CD96: variants seen among roughly 807,000 people sequenced by gnomAD.
CD96 encodes the protein T-cell surface protein tactile.
A neutral mutation model predicts 71.3 loss-of-function variants in CD96; 70 were observed. That is an observed-to-expected ratio of 0.98 (90% CI 0.81 to 1.20). The LOEUF (loss-of-function observed/expected upper bound fraction) is 1.20. CD96 is among the 50% of genes most tolerant of loss of function. The pLI is 0.00. For synonymous variants in CD96, 248 were observed against 233.0 expected (o/e 1.06, Z -0.59); for missense variants, 742 against 677.5 (o/e 1.10, Z -1.06).
chr3:111,574,228 C>T (rs79788833), intron 3 of CD96, among the ~76,000 whole-genome samples: 4,186 of 152,212 alleles, frequency 0.028, 188 homozygotes, highest in African/African-American at 0.096. Context: ...GAAATATCAT[C>T]ACTAAATCAA....
downstream of CD96, among the ~76,000 whole-genome samples, chr3:111,653,227 TG>T (rs34724254): frequency 2.0e-5 from 3 of 152,206 alleles, no homozygotes; most frequent in African/African-American, 7.2e-5. Flanking sequence ...GAAAGGCTCA[TG>T]GAGCAGTACC....
intron 4 of CD96, among the ~76,000 whole-genome samples, chr3:111,582,652 G>T (rs1257869074): frequency 2.0e-5 from 3 of 152,190 alleles, no homozygotes; most frequent in Non-Finnish European, 2.9e-5. Flanking sequence ...GTTCCACATG[G>T]CTGGGGAGGC....
At chr3:111,587,161 G>T (rs1161957428) in intron 5 of CD96, among the ~76,000 whole-genome samples, 1 of 152,198 alleles carries the variant, frequency 6.6e-6, no homozygotes, top group Non-Finnish European at 1.5e-5. Context: ...GATCTCCTTT[G>T]ACTCCAAGAC....
chr3:111,557,481 G>A (rs1420968188), intron 2 of CD96, among the ~76,000 whole-genome samples: 2 of 115,386 alleles, frequency 1.7e-5, no homozygotes, highest in Non-Finnish European at 3.5e-5. Flanking sequence ...CCCATTGCTT[G>A]TTTTTCTCAG....
Position 111,579,251 on chromosome 3 carries a change from T to A in CD96, c.751+17T>A. On this transcript the variant is annotated intron_variant, in intron 4 of 13. Transcript: ENST00000352690. Reference sequence around the variant, plus strand: ...AGGTTTTTGGTAAGGGCTTTTGTTCTACAGACTCACTGGCATCCTCCTGTC... The same window carrying A: ...AGGTTTTTGGTAAGGGCTTTTGTTCAACAGACTCACTGGCATCCTCCTGTC... 7.2e-7 allele frequency: 1 copy of A among 1,386,604 alleles called. No homozygotes were observed. Among genetic ancestry groups the A allele is most frequent in the Non-Finnish European group, 1.0e-6 (1 of 971,940 alleles). The allele number at this position is 1,386,604 out of a possible 1,614,324, so 85.9% of individuals were successfully genotyped here.
chr3:111,611,888 T>C (rs1352123363), intron 8 of CD96, among the ~76,000 whole-genome samples: 1 of 152,206 alleles, frequency 6.6e-6, no homozygotes, highest in Middle Eastern at 3.2e-3. Context: ...CTTCAACTCA[T>C]TTAGCCCCAA....
chr3:111,627,360 G>T (rs973561491), intron 10 of CD96, among the ~76,000 whole-genome samples: 1 of 152,194 alleles, frequency 6.6e-6, no homozygotes, highest in Admixed American at 6.5e-5. Flanking sequence ...CCACAACACA[G>T]TTCCCCAGCA....
rs550369054 is a variant in CD96 at position 111,599,721 on chromosome 3, C to CAA, written c.899-993_899-992dup. Among the ~76,000 whole-genome samples the CAA allele has an allele frequency of 3.5e-5, 5 of 141,348 alleles. No individual in the cohort carries two copies. In the South Asian group the frequency reaches 9.0e-4, roughly 25 times the overall value. 92.7% of individuals were successfully genotyped at this position (141,348 alleles called of 152,430 possible). A position where few individuals can be genotyped will look rare whatever the true frequency, so the allele number is the denominator to read the frequency against. ...GGGCAACAAGAGTGAAACCCTATCT[C>CAA]AAAAAAAAAAAAAGTTATTATAAAT... On this transcript the variant is annotated intron_variant, in intron 6 of 13. Transcript: ENST00000352690.
intron 2 of CD96, among the ~76,000 whole-genome samples, chr3:111,561,990 C>A (rs1935456261): frequency 6.6e-6 from 1 of 152,046 alleles, no homozygotes; most frequent in East Asian, 1.9e-4. Flanking sequence ...GTCCGTCACC[C>A]CTTTCTTTGA....
chr3:111,633,444 T>C (rs760771348), intron 10 of CD96, among the ~76,000 whole-genome samples: 11 of 152,048 alleles, frequency 7.2e-5, no homozygotes, highest in Admixed American at 3.3e-4. Context: ...CACATGCTGT[T>C]GGAAAAAAAA....
chr3:111,640,967 G>A (rs1168387394), intron 12 of CD96, among the ~76,000 whole-genome samples: 1 of 152,090 alleles, frequency 6.6e-6, no homozygotes, highest in Admixed American at 6.5e-5. Context: ...CACCACTACA[G>A]GAACTGCTAA....
At chr3:111,587,908 C>T (rs1936790860) in intron 5 of CD96, among the ~76,000 whole-genome samples, 1 of 152,168 alleles carries the variant, frequency 6.6e-6, no homozygotes, top group South Asian at 2.1e-4. Context: ...AGCATGGAGA[C>T]CTGGGGCATC....
chr3:111,645,441 T>C (rs1268634164), intron 12 of CD96, among the ~76,000 whole-genome samples: 1 of 152,100 alleles, frequency 6.6e-6, no homozygotes, highest in Non-Finnish European at 1.5e-5. Flanking sequence ...GGGTGTTGGC[T>C]GCACCATAAT....
chr3:111,597,204 A>G (rs1391131913), intron 5 of CD96, among the ~76,000 whole-genome samples: 1 of 152,234 alleles, frequency 6.6e-6, no homozygotes, highest in African/African-American at 2.4e-5. Flanking sequence ...ACATCTCTTG[A>G]TGAGAAAACA....
intron 12 of CD96, among the ~76,000 whole-genome samples, chr3:111,646,661 C>G (rs1482886811): frequency 6.6e-6 from 1 of 151,680 alleles, no homozygotes; most frequent in Non-Finnish European, 1.5e-5. Flanking sequence ...TTGGCTATTG[C>G]TCAAAGAACT....
At chr3:111,647,496 T>C (rs113441463) in intron 12 of CD96, 47 bp from the exon 13 acceptor site, 2 of 1,592,646 alleles carry the variant, frequency 1.3e-6, no homozygotes, top group Middle Eastern at 1.7e-4. Context: ...GTTTTCCAAA[T>C]GCCAAAGTTT....
At position 111,571,120 on chromosome 3, in the gene CD96, C is replaced by T. The variant is rs1487526894; in HGVS notation, c.543+3473C>T. ...GGGCATCCCTCTGAATCCAGGGTTA[C>T]AGCACATGCTGTTCCCTCTACCTGG... On this transcript the variant is annotated intron_variant, in intron 3 of 13. Coordinates refer to ENST00000352690, the MANE Select transcript of CD96 (RefSeq NM_005816.5). 4.2e-6 allele frequency: 3 copies of T among 718,114 alleles called. No homozygotes were observed. In the Admixed American group the frequency reaches 6.3e-5, roughly 15 times the overall value. The allele number at this position is 718,114 out of a possible 1,614,324, so 44.5% of individuals were successfully genotyped here.
At chr3:111,628,206 GA>G (rs1938874135) in intron 10 of CD96, among the ~76,000 whole-genome samples, 2 of 152,300 alleles carry the variant, frequency 1.3e-5, no homozygotes, top group African/African-American at 4.8e-5. Context: ...GTAGCCTTCA[GA>G]ATATGGATAA....
At chr3:111,605,590 C>A (rs544623486) in intron 7 of CD96, among the ~76,000 whole-genome samples, 1 of 152,174 alleles carries the variant, frequency 6.6e-6, no homozygotes, top group Non-Finnish European at 1.5e-5. Flanking sequence ...CCCATATAAC[C>A]GTCCTCCACC....
Sources: allele counts gnomAD v4.1 joint callset (sites outside exome capture counted in the v4.1 genomes callset), GRCh38; gene constraint gnomAD v4.1.1; transcripts MANE v1.5; gene names NCBI Gene and HGNC (gene_info 2026-07-23, HGNC 2026-07-21).